SAMMSON: variants seen among roughly 807,000 people sequenced by gnomAD.
SAMMSON encodes survival associated mitochondrial melanoma specific oncogenic non-coding RNA, also known as long intergenic non-protein coding RNA 1212.
intron 7 of SAMMSON, among the ~76,000 whole-genome samples, chr3:70,340,730 T>C (rs935431057): frequency 6.6e-6 from 1 of 152,128 alleles, no homozygotes; most frequent in Admixed American, 6.6e-5. Flanking sequence ...CATACTGCAT[T>C]ATTCCACTGG....
At chr3:70,062,591 A>G (rs1346159050) in intron 3 of SAMMSON, among the ~76,000 whole-genome samples, 1 of 152,082 alleles carries the variant, frequency 6.6e-6, no homozygotes, top group Non-Finnish European at 1.5e-5. Context: ...TTTCTGTAGC[A>G]GTCACCAATA....
At chr3:70,410,308 G>A (rs1226923362) in intron 2 of SAMMSON, among the ~76,000 whole-genome samples, 1 of 152,188 alleles carries the variant, frequency 6.6e-6, no homozygotes, top group African/African-American at 2.4e-5. Flanking sequence ...CAGAAGTGAA[G>A]ATGACACCTT....
At chr3:70,367,849 A>G (rs1197713044) in intron 9 of SAMMSON, among the ~76,000 whole-genome samples, 1 of 151,578 alleles carries the variant, frequency 6.6e-6, no homozygotes, top group East Asian at 1.9e-4. Flanking sequence ...CTAACAGTGT[A>G]CTAGAGTCCC....
chr3:70,021,456 C>G (rs1245198074), intron 3 of SAMMSON, among the ~76,000 whole-genome samples: 1 of 152,148 alleles, frequency 6.6e-6, no homozygotes, highest in African/African-American at 2.4e-5. Flanking sequence ...AATAAAACAT[C>G]TGTGGCAAAA....
chr3:70,336,388 A>C (rs540901148), intron 7 of SAMMSON, among the ~76,000 whole-genome samples: 1 of 152,166 alleles, frequency 6.6e-6, no homozygotes, highest in East Asian at 1.9e-4. Flanking sequence ...GTAGGACAAG[A>C]GTAATCAATG....
intron 2 of SAMMSON, among the ~76,000 whole-genome samples, chr3:70,433,504 G>A (rs1293690055): frequency 3.3e-5 from 5 of 151,958 alleles, no homozygotes; most frequent in Admixed American, 3.3e-4. Context: ...TAATCAGATT[G>A]TTTACTTTCT....
At chr3:70,274,173 T>G (rs185385322) in intron 6 of SAMMSON, among the ~76,000 whole-genome samples, 3 of 151,946 alleles carry the variant, frequency 2.0e-5, no homozygotes, top group Non-Finnish European at 4.4e-5. Context: ...CATACATATG[T>G]GTAGGGGGTG....
chr3:70,310,975 A>G (rs897543626), intron 7 of SAMMSON, among the ~76,000 whole-genome samples: 12 of 152,166 alleles, frequency 7.9e-5, no homozygotes, highest in Non-Finnish European at 1.5e-4. Flanking sequence ...TAAATTAAGG[A>G]TAATAACTGC....
intron 4 of SAMMSON, among the ~76,000 whole-genome samples, chr3:70,181,606 A>C (rs950137512): frequency 6.6e-6 from 1 of 152,176 alleles, no homozygotes; most frequent in Non-Finnish European, 1.5e-5. Context: ...CATGGGAATA[A>C]ATACACCATT....
intron 4 of SAMMSON, among the ~76,000 whole-genome samples, chr3:70,242,224 C>A (rs1241252838): frequency 6.6e-6 from 1 of 152,138 alleles, no homozygotes; most frequent in East Asian, 1.9e-4. Context: ...TATGACACAT[C>A]ATTTCATTCA....
At chr3:70,354,988 C>T (rs952019837) in intron 8 of SAMMSON, among the ~76,000 whole-genome samples, 9 of 152,038 alleles carry the variant, frequency 5.9e-5, no homozygotes, top group African/African-American at 1.9e-4. Flanking sequence ...AGATTTACCA[C>T]GACTCAGCAA....
intron 3 of SAMMSON, among the ~76,000 whole-genome samples, chr3:70,063,564 C>G (rs115685428): frequency 6.6e-6 from 1 of 152,100 alleles, no homozygotes; most frequent in Non-Finnish European, 1.5e-5. Context: ...CATCTTTGAG[C>G]AGCCCTTCCC....
chr3:70,201,287 A>G (rs1701235584), intron 4 of SAMMSON, among the ~76,000 whole-genome samples: 1 of 152,050 alleles, frequency 6.6e-6, no homozygotes, highest in Admixed American at 6.6e-5. Flanking sequence ...TATGGGTGAG[A>G]ACATGTGGTG....
chr3:70,039,063 G>C (rs1489262023), intron 3 of SAMMSON, among the ~76,000 whole-genome samples: 1 of 152,124 alleles, frequency 6.6e-6, no homozygotes, highest in Non-Finnish European at 1.5e-5. Context: ...AACAGACAGA[G>C]AGAGAAAGAA....
intron 3 of SAMMSON, chr3:70,071,403 T>A (rs2067228868): frequency 6.6e-6 from 1 of 152,114 alleles, no homozygotes; most frequent in Admixed American, 6.6e-5. Context: ...GCGTATACAC[T>A]ATGTATATTT....
intron 7 of SAMMSON, among the ~76,000 whole-genome samples, chr3:70,352,141 G>A (rs1437396350): frequency 1.3e-5 from 2 of 149,214 alleles, no homozygotes; most frequent in Admixed American, 6.7e-5. Context: ...GAACCTATAC[G>A]TTCAAGAAGC....
chr3:70,035,133 C>T (rs895939724), intron 3 of SAMMSON, among the ~76,000 whole-genome samples: 5 of 152,034 alleles, frequency 3.3e-5, no homozygotes, highest in Non-Finnish European at 7.4e-5. Context: ...ACTTCGGGCC[C>T]ATCCAGGTTA....
chr3:70,087,533 G>A (rs1278534965), intron 4 of SAMMSON, among the ~76,000 whole-genome samples: 3 of 152,138 alleles, frequency 2.0e-5, no homozygotes, highest in Non-Finnish European at 4.4e-5. Context: ...AGGGAGGAAG[G>A]AATATCCTTC....
chr3:70,202,081 T>C (rs149698741), intron 4 of SAMMSON, among the ~76,000 whole-genome samples: 8 of 152,270 alleles, frequency 5.3e-5, no homozygotes, highest in African/African-American at 1.4e-4. Flanking sequence ...GTCTATCTGA[T>C]AGTGGTTAGT....
Sources: gnomAD v4.1 joint callset for allele counts (sites outside exome capture counted in the v4.1 genomes callset) on GRCh38, gnomAD v4.1.1 for gene constraint, MANE v1.5 for transcripts, NCBI Gene and HGNC (gene_info 2026-07-23, HGNC 2026-07-21) for gene names.